The following NEGR1 variants were observed in gnomAD, a reference collection of about 807,000 sequenced individuals.
NEGR1 encodes IgLON family member 4.
A neutral mutation model predicts 40.9 loss-of-function variants in NEGR1; 10 were observed. The ratio of observed to expected loss-of-function variants is 0.24; its 90% CI spans 0.15 to 0.42. NEGR1 has a LOEUF of 0.42. Among genes scored for constraint, NEGR1 ranks in the 10% least tolerant of loss-of-function variants. The pLI, the probability that NEGR1 is intolerant of heterozygous loss-of-function variation, is 1.00. For missense variants in NEGR1, 352 were observed against 438.9 expected (o/e 0.80, Z 1.77); for synonymous variants, 185 against 166.8 (o/e 1.11, Z -0.84).
At chr1:71,820,489 T>C (rs575881021) in intron 2 of NEGR1, among the ~76,000 whole-genome samples, 1 of 152,130 alleles carries the variant, frequency 6.6e-6, no homozygotes, top group East Asian at 1.9e-4. Context: ...TTGATGGCTG[T>C]TGGACACAAG....
At chr1:71,546,729 G>A (rs970678498) in intron 6 of NEGR1, among the ~76,000 whole-genome samples, 2 of 151,626 alleles carry the variant, frequency 1.3e-5, no homozygotes, top group Non-Finnish European at 3.0e-5. Flanking sequence ...CAGAGGGTCT[G>A]GACTCTGGAG....
At chr1:72,150,263 C>T (rs1474479396) in intron 1 of NEGR1, among the ~76,000 whole-genome samples, 3 of 152,144 alleles carry the variant, frequency 2.0e-5, no homozygotes, top group Admixed American at 2.0e-4. Flanking sequence ...GAATTTGTAA[C>T]TGTCACATAT....
chr1:71,418,360 C>A (rs1646370830), intron 6 of NEGR1, among the ~76,000 whole-genome samples: 1 of 151,820 alleles, frequency 6.6e-6, no homozygotes, highest in Admixed American at 6.6e-5. Flanking sequence ...GTCGCCCAGG[C>A]TGGAGTGCAG....
intron 6 of NEGR1, among the ~76,000 whole-genome samples, chr1:71,525,939 G>T (rs888878035): frequency 1.3e-5 from 2 of 151,542 alleles, no homozygotes; most frequent in Non-Finnish European, 3.0e-5. Context: ...TTAGTGGCAT[G>T]TTACTTTGAG....
intron 1 of NEGR1, among the ~76,000 whole-genome samples, chr1:72,140,481 T>C (rs1158619717): frequency 6.6e-6 from 1 of 151,766 alleles, no homozygotes; most frequent in East Asian, 1.9e-4. Flanking sequence ...GGGTCCAAAG[T>C]CTCCTTTTTA....
At chr1:72,017,917 T>C (rs1053842964) in intron 1 of NEGR1, among the ~76,000 whole-genome samples, 2 of 152,160 alleles carry the variant, frequency 1.3e-5, no homozygotes, top group African/African-American at 4.8e-5. Flanking sequence ...ACTTACATTT[T>C]CTAATTTCCA....
At chr1:72,135,416 C>CAAAAAAAAAAAAAAAAAAA (rs1557544356) in intron 1 of NEGR1, among the ~76,000 whole-genome samples, 1 of 37,336 alleles carries the variant, frequency 2.7e-5, no homozygotes, top group African/African-American at 8.3e-5. Context: ...AAAAAAAAAA[C>CAAAAAAAAAAAAAAAAAAA]AAAACCAAAA....
chr1:71,984,796 C>G (rs1646381281), intron 1 of NEGR1, among the ~76,000 whole-genome samples: 2 of 152,044 alleles, frequency 1.3e-5, no homozygotes, highest in South Asian at 4.1e-4. Flanking sequence ...TTTCCAGTCA[C>G]AAGGCCAGAA....
chr1:71,903,446 G>A (rs916208812), intron 2 of NEGR1, among the ~76,000 whole-genome samples: 3 of 151,910 alleles, frequency 2.0e-5, no homozygotes, highest in Non-Finnish European at 4.4e-5. Flanking sequence ...AGAGTTGTAT[G>A]TAATGATAGT....
At chr1:72,189,005 A>G (rs1652716270) in intron 1 of NEGR1, among the ~76,000 whole-genome samples, 1 of 151,462 alleles carries the variant, frequency 6.6e-6, no homozygotes, top group South Asian at 2.1e-4. Flanking sequence ...ATCTAATGTG[A>G]AAGTATATTG....
chr1:72,133,137 C>A (rs1207361201), intron 1 of NEGR1, among the ~76,000 whole-genome samples: 2 of 152,120 alleles, frequency 1.3e-5, no homozygotes, highest in East Asian at 3.9e-4. Context: ...TCAATCTATA[C>A]CTGTAAATCA....
At chr1:71,742,715 G>A (rs1655253299) in intron 3 of NEGR1, among the ~76,000 whole-genome samples, 2 of 152,124 alleles carry the variant, frequency 1.3e-5, no homozygotes, top group South Asian at 2.1e-4. Context: ...AGTCACACCC[G>A]TAACTGACTT....
intron 4 of NEGR1, among the ~76,000 whole-genome samples, chr1:71,694,532 T>C (rs2101625583): frequency 6.6e-6 from 1 of 151,854 alleles, no homozygotes; most frequent in East Asian, 1.9e-4. Flanking sequence ...ACTAGCTCTA[T>C]CTGTATAGTC....
intron 6 of NEGR1, among the ~76,000 whole-genome samples, chr1:71,587,787 T>A (rs1464448022): frequency 6.6e-6 from 1 of 152,054 alleles, no homozygotes; most frequent in Non-Finnish European, 1.5e-5. Flanking sequence ...GAGTTTAGCA[T>A]CCACACATCA....
chr1:71,597,172 A>G (rs1649739313), intron 5 of NEGR1, among the ~76,000 whole-genome samples: 1 of 152,180 alleles, frequency 6.6e-6, no homozygotes, highest in Admixed American at 6.5e-5. Context: ...AGAAGAAGTC[A>G]TGAGTGATGG....
rs558354047 is a variant in NEGR1 at position 71,807,829 on chromosome 1, A to C, written c.410-31532T>G. Among the ~76,000 whole-genome samples the C allele has an allele frequency of 2.0e-3, 300 of 152,202 alleles. 1 individual carries two copies. The highest frequency in any genetic ancestry group is 7.0e-3 in the African/African-American group (291 of 41,502). ...AGGGAAACAGTGAGTATCATCACCA[A>C]AAAAGCTCTGAGATTTCTAAGCACA... On this transcript the variant is annotated intron_variant, in intron 2 of 6. Transcript: ENST00000357731.
At chr1:72,133,979 T>C (rs1246779716) in intron 1 of NEGR1, among the ~76,000 whole-genome samples, 3 of 151,940 alleles carry the variant, frequency 2.0e-5, no homozygotes, top group Admixed American at 1.3e-4. Flanking sequence ...AACTTTGTTA[T>C]ATAAGATCTA....
chr1:71,477,705 T>C (rs376964730), intron 6 of NEGR1, among the ~76,000 whole-genome samples: 2 of 152,036 alleles, frequency 1.3e-5, no homozygotes, highest in African/African-American at 4.8e-5. Context: ...TTGTAGAAGG[T>C]AAATCTCTTG....
intron 2 of NEGR1, among the ~76,000 whole-genome samples, chr1:71,833,562 A>G (rs1295039562): frequency 6.6e-6 from 1 of 152,082 alleles, no homozygotes. Flanking sequence ...CAAATGACAA[A>G]TGCATTTTGA....
Sources: allele counts gnomAD v4.1 joint callset (sites outside exome capture counted in the v4.1 genomes callset), GRCh38; gene constraint gnomAD v4.1.1; transcripts MANE v1.5; gene names NCBI Gene and HGNC (gene_info 2026-07-23, HGNC 2026-07-21).